Variants in PADI4 observed in about 807,000 individuals in gnomAD.
PADI4 encodes the protein peptidyl arginine deiminase 4.
Under a neutral mutation model 75.0 loss-of-function variants are expected in PADI4, and 62 were observed. That is an observed-to-expected ratio of 0.83 (90% CI 0.67 to 1.02). PADI4 has a LOEUF of 1.02. Among genes scored for constraint, PADI4 ranks in the 50% least tolerant of loss-of-function variants. The probability of loss-of-function intolerance (pLI) is 0.00; values close to 1 mark genes in which losing one functional copy is unlikely to be tolerated. For missense variants in PADI4, 845 were observed against 850.5 expected (o/e 0.99, Z 0.08); for synonymous variants, 361 against 348.1 (o/e 1.04, Z -0.41).
chr1:17,322,213 C>T (rs1309629400), intron 1 of PADI4, among the ~76,000 whole-genome samples: 4 of 152,180 alleles, frequency 2.6e-5, no homozygotes, highest in Admixed American at 6.5e-5. Context: ...ATCAGCTGGG[C>T]GTGGTGGCTC....
chr1:17,330,598 G>A (rs1177605120), intron 1 of PADI4, among the ~76,000 whole-genome samples: 1 of 152,180 alleles, frequency 6.6e-6, no homozygotes, highest in Non-Finnish European at 1.5e-5. Flanking sequence ...AATGAACCTG[G>A]AGTCTAGTGT....
At chr1:17,344,739 T>C (rs1162512421) in intron 8 of PADI4, among the ~76,000 whole-genome samples, 5 of 152,148 alleles carry the variant, frequency 3.3e-5, no homozygotes, top group Non-Finnish European at 7.4e-5. Context: ...AAGTCAAGAA[T>C]TGGGGTTTGG....
At chr1:17,330,160 G>A (rs1331215823) in intron 1 of PADI4, among the ~76,000 whole-genome samples, 2 of 152,182 alleles carry the variant, frequency 1.3e-5, no homozygotes, top group Non-Finnish European at 2.9e-5. Flanking sequence ...GGAGCCTTTA[G>A]TGTGCCCATC....
At chr1:17,338,332 C>T (rs531864380) in intron 5 of PADI4, among the ~76,000 whole-genome samples, 177 bp downstream of exon 5, 13 of 152,278 alleles carry the variant, frequency 8.5e-5, no homozygotes, top group African/African-American at 2.9e-4. Context: ...GTGACCTCCC[C>T]AAGCTCACGC....
Position 17,363,548 on chromosome 1 carries a change from C to T in PADI4, c.1785C>T (p.His595=). 1 of 1,613,694 alleles carries T rather than the reference C, an allele frequency of 6.2e-7. No homozygotes were observed. Among genetic ancestry groups the T allele is most frequent in the Non-Finnish European group, 8.5e-7 (1 of 1,179,724 alleles). Residue 595 remains histidine (H), a synonymous_variant, in exon 16 of 16, where the codon CAC becomes CAT. Transcript: ENST00000375448. Reference sequence around the variant, plus strand: ...TGAACATGCTGGTGCTAGGGAAGCACCTGGGCATCCCCAAGCCCTTCGGGC... The same window carrying T: ...TGAACATGCTGGTGCTAGGGAAGCATCTGGGCATCCCCAAGCCCTTCGGGC... ...NMVNMLVLGK[H]LGIPKPFGPV... is the part of the protein sequence containing the mutation.
intron 4 of PADI4, 38 bp from the exon 5 acceptor site, chr1:17,338,000 C>G: frequency 8.0e-7 from 1 of 1,256,490 alleles, no homozygotes; most frequent in Non-Finnish European, 1.2e-6. Flanking sequence ...GGGCTCTATG[C>G]TAGTTTCTGA....
intron 15 of PADI4, among the ~76,000 whole-genome samples, chr1:17,362,977 T>A (rs546057090): frequency 1.3e-5 from 2 of 151,502 alleles, no homozygotes; most frequent in East Asian, 3.9e-4. Context: ...CAGGCACACC[T>A]GGCTCATTCT....
At position 17,356,038 on chromosome 1, in the gene PADI4, G is replaced by A. The variant is rs1320128126; in HGVS notation, c.1366G>A (p.Val456Met). The change falls in exon 12 of 16, where the codon GTG becomes ATG. Residue 456 changes from valine to methionine, a missense_variant. Coordinates refer to ENST00000375448, the MANE Select transcript of PADI4 (RefSeq NM_012387.3). This position sits in a 1 kb window ranked among gnomAD's most constrained non-coding sequence, Gnocchi z 4.1. ...ALQDFLSAQQ[V>M]QAPVKLYSDW... is the part of the protein sequence containing the mutation. ...GCAGGACTTCCTCAGTGCCCAGCAG[G>A]TGCAGGCCCCTGTGAAGCTCTATTC... 1 of 1,614,142 alleles carries A rather than the reference G, an allele frequency of 6.2e-7. No homozygotes were observed.
In PADI4 at chr1:17,363,779, C is replaced by A; in HGVS notation, c.*24C>A. ...GAGCCCATCTTCCCTGGCGTCCTCT[C>A]CCTCCTGGCCAGATGTCGCTGGGTC... On this transcript the variant is annotated 3_prime_UTR_variant, in exon 16 of 16. Transcript: ENST00000375448. 2 of 1,528,606 alleles carry A rather than the reference C, an allele frequency of 1.3e-6. No individual in the cohort carries two copies. The highest frequency in any genetic ancestry group is 1.1e-5 in the South Asian group (1 of 89,156). 94.7% of individuals were successfully genotyped at this position (1,528,606 alleles called of 1,614,324 possible). A position where few individuals can be genotyped will look rare whatever the true frequency, so the allele number is the denominator to read the frequency against.
At chr1:17,331,487 T>C (rs1471268637) in intron 2 of PADI4, among the ~76,000 whole-genome samples, 1 of 152,184 alleles carries the variant, frequency 6.6e-6, no homozygotes, top group Non-Finnish European at 1.5e-5. Flanking sequence ...AACCTATGAA[T>C]GGTAGCATCA....
intron 1 of PADI4, among the ~76,000 whole-genome samples, chr1:17,317,153 T>C (rs893165629): frequency 1.6e-4 from 25 of 152,284 alleles, no homozygotes; most frequent in African/African-American, 5.8e-4. Context: ...CTCAAACTTA[T>C]GGACTCAAGC....
intron 1 of PADI4, among the ~76,000 whole-genome samples, chr1:17,323,140 T>G (rs889177977): frequency 1.3e-5 from 2 of 152,140 alleles, no homozygotes; most frequent in Non-Finnish European, 2.9e-5. Flanking sequence ...GAACCTCAGT[T>G]CCTCCCTGGC....
At chr1:17,324,353 G>C (rs1342536454) in intron 1 of PADI4, among the ~76,000 whole-genome samples, 2 of 151,776 alleles carry the variant, frequency 1.3e-5, no homozygotes, top group Non-Finnish European at 2.9e-5. Context: ...ATGTTGATTT[G>C]CCTAAGTTCT....
At chr1:17,341,514 G>A (rs1180358378) in intron 6 of PADI4, among the ~76,000 whole-genome samples, 2 of 152,162 alleles carry the variant, frequency 1.3e-5, no homozygotes. Context: ...TATCACAGCT[G>A]TCTGCTATTT....
chr1:17,339,204 A>G (rs1042483537), intron 5 of PADI4, among the ~76,000 whole-genome samples: 3 of 152,084 alleles, frequency 2.0e-5, no homozygotes, highest in Non-Finnish European at 4.4e-5. Context: ...GTCCCTTGGG[A>G]ACCATCTCTT....
At position 17,308,334 on chromosome 1, in the gene PADI4, G is replaced by C; in HGVS notation, c.92+20G>C. The C allele has an allele frequency of 4.4e-6, 7 of 1,591,508 alleles. No homozygotes were observed. Among genetic ancestry groups the C allele is most frequent in the Non-Finnish European group, 6.0e-6 (7 of 1,159,812 alleles). ...CTGCAGGTAAGAGGGGGGCCTTCTG[G>C]GGTTTTGGAGGCAGGTCAGGAGATG... On this transcript the variant is annotated intron_variant, in intron 1 of 15. Coordinates refer to ENST00000375448, the MANE Select transcript of PADI4 (RefSeq NM_012387.3).
At chr1:17,348,331 C>T (rs548767482) in intron 10 of PADI4, 4 of 268,706 alleles carry the variant, frequency 1.5e-5, no homozygotes. Flanking sequence ...CCTCCCTGTG[C>T]TCTTGAAGAA....
intron 1 of PADI4, among the ~76,000 whole-genome samples, chr1:17,328,506 G>A (rs944873567): frequency 8.5e-5 from 13 of 152,048 alleles, no homozygotes; most frequent in Non-Finnish European, 1.6e-4. Context: ...AATTAGCTGG[G>A]TGTGGTGGCA....
chr1:17,308,700 T>C (rs2073721331), intron 1 of PADI4, among the ~76,000 whole-genome samples: 1 of 152,144 alleles, frequency 6.6e-6, no homozygotes, highest in African/African-American at 2.4e-5. Context: ...CAGCACAGTT[T>C]GTTACCCCAC....
Sources: allele counts gnomAD v4.1 joint callset (sites outside exome capture counted in the v4.1 genomes callset), GRCh38; gene constraint gnomAD v4.1.1; non-coding constraint Gnocchi (gnomAD v3.1); transcripts MANE v1.5; gene names NCBI Gene and HGNC (gene_info 2026-07-23, HGNC 2026-07-21).